ANK2: variants seen among roughly 807,000 people sequenced by gnomAD.
The protein encoded by ANK2 is ankyrin-2.
A neutral mutation model predicts 360.5 loss-of-function variants in ANK2; 83 were observed. That is an observed-to-expected ratio of 0.23 (90% CI 0.19 to 0.28). The LOEUF (loss-of-function observed/expected upper bound fraction) is 0.28. Ranked by LOEUF, ANK2 falls within the 10% of genes least tolerant of loss-of-function variation. The probability of loss-of-function intolerance (pLI) is 1.00; values close to 1 mark genes in which losing one functional copy is unlikely to be tolerated. For synonymous variants in ANK2, 1,740 were observed against 1,759.5 expected, an observed-to-expected ratio of 0.99 and a Z score of 0.28; for missense variants, 4,201 against 4,795.7, an observed-to-expected ratio of 0.88 and a Z score of 3.66.
chr4:112,992,151 T>TG (rs1158454549), intron 2 of ANK2, among the ~76,000 whole-genome samples: 2 of 151,568 alleles, frequency 1.3e-5, no homozygotes, highest in Non-Finnish European at 3.0e-5. Flanking sequence ...ACTTCTACTT[T>TG]TTTTTTTTTT....
chr4:113,166,615 C>A (rs1005866219), intron 1 of ANK2, among the ~76,000 whole-genome samples: 3 of 150,876 alleles, frequency 2.0e-5, no homozygotes, highest in African/African-American at 7.3e-5. Context: ...TGGTTTTTTT[C>A]TTTTTGGTAG....
In ANK2 at chr4:113,125,620, A is replaced by T. The variant is rs1170228003; in HGVS notation, c.85-48796A>T. Reference sequence around the variant, plus strand: ...ATCTATAAAATGATAAGGATCTGAGATCTGTTAGAATTCTTCCTGTCTTTA... The same window carrying T: ...ATCTATAAAATGATAAGGATCTGAGTTCTGTTAGAATTCTTCCTGTCTTTA... On this transcript the variant is annotated intron_variant, in intron 1 of 45. Coordinates refer to ENST00000357077, the MANE Select transcript of ANK2 (RefSeq NM_001148.6). 2.0e-5 allele frequency among the ~76,000 whole-genome samples: 3 copies of T among 152,204 alleles called. 1 individual carries two copies. The highest frequency in any genetic ancestry group is 6.5e-5 in the Admixed American group (1 of 15,270).
chr4:112,785,389 T>C, the ANK2 span, among the ~76,000 whole-genome samples: 3 of 151,654 alleles, frequency 2.0e-5, no homozygotes, highest in African/African-American at 7.3e-5. Context: ...TTCCTTTTTT[T>C]TTGAGACGGA....
chr4:112,993,558 G>A lies in ANK2; in HGVS notation c.21+89044G>A, dbSNP rs539377528. Among the ~76,000 whole-genome samples, 17 of 151,186 alleles carry A rather than the reference G, an allele frequency of 1.1e-4. No individual in the cohort carries two copies. The East Asian group carries it at 3.0e-3, about 27-fold the overall frequency. On this transcript the variant is annotated intron_variant, in intron 2 of 30. Coordinates refer to the ANK2 transcript ENST00000503271. ...CCTGACCCCATGATCCACCCGCCTCGGCCTCCCAAAGTGCTGGGATTACAG... is the reference window on the plus strand; with the variant it reads ...CCTGACCCCATGATCCACCCGCCTCAGCCTCCCAAAGTGCTGGGATTACAG...
At chr4:113,176,272 T>A (rs2098195522) in intron 2 of ANK2, among the ~76,000 whole-genome samples, 1 of 152,212 alleles carries the variant, frequency 6.6e-6, no homozygotes, top group Admixed American at 6.5e-5. Flanking sequence ...AAGACTTGTG[T>A]CTTCTACTAG....
rs189750560 is a variant in ANK2 at position 112,906,922 on chromosome 4, G to A, written c.21+2408G>A. ...TACTCTCTAAAAATCAGAAATCAGG[G>A]ATCATCTGTTTTGAGGGAAGGTATA... On this transcript the variant is annotated intron_variant, in intron 2 of 30. Transcript: ENST00000503271. Among the ~76,000 whole-genome samples the A allele has an allele frequency of 2.3e-3, 347 of 152,224 alleles. 2 individuals carry two copies. Among genetic ancestry groups the A allele is most frequent in the Non-Finnish European group, 3.7e-3 (254 of 68,004 alleles).
intron 1 of ANK2, among the ~76,000 whole-genome samples, chr4:112,880,130 CAG>C (rs2076313690): frequency 6.6e-6 from 1 of 151,932 alleles, no homozygotes; most frequent in Non-Finnish European, 1.5e-5. Context: ...AAAAAGTAAA[CAG>C]TATATATTTA....
chr4:112,959,480 G>A (rs747416662), intron 2 of ANK2, among the ~76,000 whole-genome samples: 1 of 152,156 alleles, frequency 6.6e-6, no homozygotes, highest in Non-Finnish European at 1.5e-5. Flanking sequence ...TTTAATCAAT[G>A]TTTGCCTAAT....
the ANK2 span, chr4:112,739,005 A>G: frequency 4.6e-6 from 3 of 648,360 alleles, no homozygotes; most frequent in East Asian, 1.2e-4. Context: ...GAGGTCGCTC[A>G]CAAAAACCAA....
chr4:112,875,921 C>CTT lies in ANK2; in HGVS notation c.-39-28519_-39-28518dup, dbSNP rs553724643. Among the ~76,000 whole-genome samples, 717 of 134,406 alleles carry CTT rather than the reference C, an allele frequency of 5.3e-3. 8 individuals carry two copies. Among genetic ancestry groups the CTT allele is most frequent in the African/African-American group, 0.017 (628 of 36,868 alleles). The allele number at this position is 134,406 out of a possible 152,430, so 88.2% of individuals were successfully genotyped here. A position where few individuals can be genotyped will look rare whatever the true frequency, so the allele number is the denominator to read the frequency against. On this transcript the variant is annotated intron_variant, in intron 1 of 30. Coordinates refer to the ANK2 transcript ENST00000503271. ...CCTCCCTGGCTAATTTTTCTTTTTT[C>CTT]TTTTTTTTTTTTTTTTAGAGACAAA...
At chr4:113,018,461 A>C (rs187668490) in intron 2 of ANK2, among the ~76,000 whole-genome samples, 11 of 152,378 alleles carry the variant, frequency 7.2e-5, no homozygotes, top group Admixed American at 5.9e-4. Flanking sequence ...TGTCAATGGA[A>C]GATAAATTAA....
intron 1 of ANK2, among the ~76,000 whole-genome samples, chr4:113,060,303 G>C (rs745805283): frequency 2.0e-5 from 3 of 151,872 alleles, no homozygotes; most frequent in Non-Finnish European, 4.4e-5. Context: ...ATAATAAATA[G>C]TAGTTAATAT....
chr4:113,347,878 G>T, intron 35 of ANK2: 1 of 183,342 alleles, frequency 5.5e-6, no homozygotes, highest in Non-Finnish European at 1.1e-5. Context: ...CCTGTGTATT[G>T]AAAATTTTCC....
intron 1 of ANK2, among the ~76,000 whole-genome samples, chr4:113,152,738 C>G (rs1379196026): frequency 2.0e-5 from 3 of 151,884 alleles, no homozygotes; most frequent in African/African-American, 7.3e-5. Flanking sequence ...GAGATTCTGT[C>G]TCTATATTAA....
chr4:113,369,922 A>G (rs2096668494), intron 43 of ANK2, 117 bp downstream of exon 43: 1 of 1,278,712 alleles, frequency 7.8e-7, no homozygotes, highest in African/African-American at 1.5e-5. Context: ...AACCAAATTA[A>G]TTAACCTGGC....
intron 1 of ANK2, among the ~76,000 whole-genome samples, chr4:113,111,898 C>T (rs1330605463): frequency 6.6e-6 from 1 of 152,076 alleles, no homozygotes; most frequent in African/African-American, 2.4e-5. Flanking sequence ...TCCAGGAAGG[C>T]TGAAAAGAAA....
intron 2 of ANK2, among the ~76,000 whole-genome samples, chr4:113,176,787 A>T (rs1042129478): frequency 1.7e-4 from 26 of 151,538 alleles, no homozygotes; most frequent in African/African-American, 6.3e-4. Context: ...TCCTCCCCCC[A>T]CCCCACAACA....
At chr4:113,124,964 CT>C (rs1346955031) in intron 1 of ANK2, among the ~76,000 whole-genome samples, 3 of 151,848 alleles carry the variant, frequency 2.0e-5, no homozygotes, top group Non-Finnish European at 4.4e-5. Context: ...ATCCCCATCT[CT>C]TTTAAAAAAA....
chr4:112,720,955 A>G, the ANK2 span, among the ~76,000 whole-genome samples: 1 of 152,184 alleles, frequency 6.6e-6, no homozygotes, highest in African/African-American at 2.4e-5. Flanking sequence ...GAAAAGTACT[A>G]TGGAATGATC....
Sources: gnomAD v4.1 joint callset for allele counts (sites outside exome capture counted in the v4.1 genomes callset) on GRCh38, gnomAD v4.1.1 for gene constraint, MANE v1.5 for transcripts, NCBI Gene and HGNC (gene_info 2026-07-23, HGNC 2026-07-21) for gene names.